BPIFA2: variants seen among roughly 807,000 people sequenced by gnomAD.
The protein encoded by BPIFA2 is BPI fold containing family A member 2, also known as BPI fold-containing family A member 2.
In BPIFA2, 20 loss-of-function variants were observed where a neutral mutation model predicts 25.7. The ratio of observed to expected loss-of-function variants is 0.78; its 90% CI spans 0.55 to 1.13. The LOEUF is 1.13. Ranked by LOEUF, BPIFA2 falls within the 50% of genes most tolerant of loss-of-function variation. The probability of loss-of-function intolerance (pLI) is 0.00; values close to 1 mark genes in which losing one functional copy is unlikely to be tolerated. For synonymous variants in BPIFA2, 126 were observed against 124.3 expected (o/e 1.01, Z -0.09); for missense variants, 300 against 298.1 (o/e 1.01, Z -0.05).
upstream of BPIFA2, among the ~76,000 whole-genome samples, chr20:33,163,532 T>C (rs1600593283): frequency 1.3e-5 from 2 of 152,264 alleles, no homozygotes; most frequent in South Asian, 4.1e-4. Context: ...AGAATATAAA[T>C]GGCAGTGCTG....
Position 33,175,391 on chromosome 20 carries a change from A to G in BPIFA2, c.411-16A>G, listed in dbSNP as rs1984039276. 6.2e-7 allele frequency: 1 copy of G among 1,612,100 alleles called. No individual in the cohort carries two copies. ...AACTTCTAGACTTTGTTCACTGTGC[A>G]TCTTACTTCCTGCAGGCCCATCATT... On this transcript the variant is annotated splice_polypyrimidine_tract_variant and intron_variant, in intron 4 of 8. Transcript: ENST00000354932.
intron 4 of BPIFA2, among the ~76,000 whole-genome samples, 189 bp from the exon 5 acceptor site, chr20:33,175,218 G>A (rs1429309394): frequency 6.6e-6 from 1 of 152,148 alleles, no homozygotes; most frequent in Non-Finnish European, 1.5e-5. Context: ...AACCCAAGTG[G>A]CCAGGAGAAG....
At chr20:33,166,732 A>G (rs890282045), upstream of BPIFA2, among the ~76,000 whole-genome samples, 3 of 152,126 alleles carry the variant, frequency 2.0e-5, no homozygotes, top group African/African-American at 7.2e-5. Context: ...CCTGTCCACC[A>G]TGCCTCTGAG....
At chr20:33,163,182 G>A (rs8121667), upstream of BPIFA2, among the ~76,000 whole-genome samples, 3,596 of 152,256 alleles carry the variant, frequency 0.024, 123 homozygotes, top group African/African-American at 0.08. Flanking sequence ...GGTGGGTGGA[G>A]GGAAGGAAGG....
At position 33,178,210 on chromosome 20, in the gene BPIFA2, C is replaced by T; in HGVS notation, c.627C>T (p.Ser209=). The T allele has an allele frequency of 6.3e-7, 1 of 1,599,146 alleles. No homozygotes were observed. Among genetic ancestry groups the T allele is most frequent in the Non-Finnish European group, 8.6e-7 (1 of 1,168,590 alleles). ...TCAACACGCTGAAAAGCACTGTATC[C>T]TCCCTGCTGCAGAAGGAGGTGAGTC... ...SVINTLKSTV[S]SLLQKEICPL... Residue 209 remains serine, a synonymous_variant, in exon 6 of 9, where the codon TCC becomes TCT. Coordinates refer to ENST00000354932, the MANE Select transcript of BPIFA2 (RefSeq NM_080574.4).
chr20:33,175,244 A>C (rs1984033873), intron 4 of BPIFA2, among the ~76,000 whole-genome samples, 163 bp from the exon 5 acceptor site: 1 of 152,200 alleles, frequency 6.6e-6, no homozygotes, highest in Non-Finnish European at 1.5e-5. Context: ...CCTAATATAA[A>C]CATGTAAATC....
rs117298016 is a variant in BPIFA2, at chr20:33,178,325, G to C, written c.645+97G>C. 3.4e-5 allele frequency: 31 copies of C among 916,862 alleles called. No homozygotes were observed. The East Asian group carries it at 3.9e-4, about 11-fold the overall frequency. 56.8% of individuals were successfully genotyped at this position (916,862 alleles called of 1,614,324 possible). ...TGTATCCTCTGAGCACTTTTCCTTC[G>C]GAGGTGAAAGCTTCTCCTTAGGAGG... On this transcript the variant is annotated intron_variant, in intron 6 of 8. Coordinates refer to ENST00000354932, the MANE Select transcript of BPIFA2 (RefSeq NM_080574.4).
Position 33,169,110 on chromosome 20 carries a change from G to A in BPIFA2, c.-15-21G>A, listed in dbSNP as rs151230820. The A allele has an allele frequency of 1.2e-4, 197 of 1,602,624 alleles. No individual in the cohort carries two copies. The African/African-American group carries it at 2.5e-3, about 20-fold the overall frequency. ...TTCCCTCTGGGCAATTCTCACTCCT[G>A]TTCTTCCCATGACTGTCCAGGTGTC... On this transcript the variant is annotated intron_variant, in intron 1 of 8. Transcript: ENST00000354932.
At chr20:33,165,369 T>C (rs1052393343), upstream of BPIFA2, among the ~76,000 whole-genome samples, 1 of 152,190 alleles carries the variant, frequency 6.6e-6, no homozygotes. Context: ...GCAATTATCT[T>C]TGATGGGTGC....
At chr20:33,181,166 A>T (rs1984267988) in intron 8 of BPIFA2, 58 bp from the exon 9 acceptor site, 1 of 152,650 alleles carries the variant, frequency 6.6e-6, no homozygotes, top group Admixed American at 6.5e-5. Context: ...GATGACTGAC[A>T]GCTGGGTGTA....
At chr20:33,166,272 C>T (rs1235596418), upstream of BPIFA2, among the ~76,000 whole-genome samples, 3 of 152,146 alleles carry the variant, frequency 2.0e-5, no homozygotes, top group South Asian at 2.1e-4. Context: ...CCGCCTCGGC[C>T]TCCCAAAGTG....
chr20:33,162,663 G>A (rs373726944), intron 1 of BPIFA2, among the ~76,000 whole-genome samples: 1 of 152,314 alleles, frequency 6.6e-6, no homozygotes, highest in East Asian at 1.9e-4. Context: ...GGAAATGCAG[G>A]CCCAGAGAGG....
At chr20:33,173,969 G>C (rs1056357016) in intron 3 of BPIFA2, 110 bp from the exon 4 acceptor site, 1 of 812,880 alleles carries the variant, frequency 1.2e-6, no homozygotes, top group Non-Finnish European at 2.1e-6. Context: ...GAAGACTAAA[G>C]AAGGCAAGGC....
intron 4 of BPIFA2, 31 bp from the exon 5 acceptor site, chr20:33,175,376 C>T: frequency 1.2e-6 from 2 of 1,604,940 alleles, no homozygotes; most frequent in African/African-American, 1.3e-5. Context: ...AACTTCTAGA[C>T]TTTGTTCACT....
chr20:33,172,110 C>T (rs1983915401), intron 2 of BPIFA2, among the ~76,000 whole-genome samples: 1 of 152,090 alleles, frequency 6.6e-6, no homozygotes, highest in African/African-American at 2.4e-5. Context: ...AAGCCAGAAG[C>T]CATCATCCTC....
rs146420432 is a variant in BPIFA2, at chr20:33,172,627, A to G, written c.158-305A>G. On this transcript the variant is annotated intron_variant, in intron 2 of 8. Coordinates refer to ENST00000354932, the MANE Select transcript of BPIFA2 (RefSeq NM_080574.4). ...ACTCCTAGACACTGGTGTACAATCAATAGCAATTGCCTGGCCAACTGGTTG... is the reference window on the plus strand; with the variant it reads ...ACTCCTAGACACTGGTGTACAATCAGTAGCAATTGCCTGGCCAACTGGTTG... Among the ~76,000 whole-genome samples the G allele has an allele frequency of 2.0e-5, 3 of 152,264 alleles. No individual in the cohort carries two copies. In the East Asian group the frequency reaches 5.8e-4, roughly 29 times the overall value.
chr20:33,175,092 T>A (rs916787825), intron 4 of BPIFA2, among the ~76,000 whole-genome samples: 1 of 152,188 alleles, frequency 6.6e-6, no homozygotes, highest in Admixed American at 6.5e-5. Context: ...TAGTAATAAA[T>A]GAATCCAGGT....
At position 33,169,213 on chromosome 20, in the gene BPIFA2, A is replaced by T; in HGVS notation, c.68A>T (p.Asp23Val). ...ACTGGGACCTCAGAGTCTCTTCTTG[A>T]CAATCTTGGCAATGACCTAAGCAAT... ...VLTGTSESLL[D>V]NLGNDLSNVV... is the part of the protein sequence containing the mutation. Residue 23 changes from aspartate (D) to valine (V), a missense_variant, in exon 2 of 9, where the codon GAC becomes GTC. Physicochemically the swap from Asp to Val is radical, Grantham distance 152. Transcript: ENST00000354932. 1 of 1,614,066 alleles carries T rather than the reference A, an allele frequency of 6.2e-7. No individual in the cohort carries two copies. The highest frequency in any genetic ancestry group is 1.1e-5 in the South Asian group (1 of 91,080).
exon 1 of BPIFA2, chr20:33,161,821 AG>A (rs375784300): frequency 6.6e-6 from 1 of 152,384 alleles, no homozygotes; most frequent in East Asian, 1.9e-4. Flanking sequence ...CACTGGGAAG[AG>A]TTGATGCAAA....
Sources: allele counts gnomAD v4.1 joint callset (sites outside exome capture counted in the v4.1 genomes callset), GRCh38; gene constraint gnomAD v4.1.1; transcripts MANE v1.5; gene names NCBI Gene and HGNC (gene_info 2026-07-23, HGNC 2026-07-21).